Variants in PTPRT observed in about 807,000 individuals in gnomAD.
The protein encoded by PTPRT is receptor-type tyrosine-protein phosphatase T.
In PTPRT, 56 loss-of-function variants were observed where a neutral mutation model predicts 176.8. The observed-to-expected ratio is 0.32, with a 90% CI of 0.26 to 0.40. The LOEUF (loss-of-function observed/expected upper bound fraction) is 0.40, where lower values mean the gene tolerates loss of function less well. PTPRT is among the 10% of genes least tolerant of loss of function. PTPRT has a pLI of 1.00. For missense variants in PTPRT, 1,540 were observed against 1,908.2 expected (o/e 0.81, Z 3.60); for synonymous variants, 783 against 739.0 (o/e 1.06, Z -0.96).
intron 15 of PTPRT, among the ~76,000 whole-genome samples, chr20:42,218,806 CT>C (rs1268689689): frequency 6.6e-6 from 1 of 152,186 alleles, no homozygotes; most frequent in Non-Finnish European, 1.5e-5. Flanking sequence ...CCTGGCCCGG[CT>C]GTGTGGGACA....
chr20:42,525,739 T>C (rs2072256626), intron 7 of PTPRT, among the ~76,000 whole-genome samples: 1 of 152,220 alleles, frequency 6.6e-6, no homozygotes, highest in Non-Finnish European at 1.5e-5. Context: ...TGAAGAGTTG[T>C]GATTTTTATG....
chr20:42,569,464 C>T (rs1408555780), intron 7 of PTPRT, among the ~76,000 whole-genome samples: 1 of 152,008 alleles, frequency 6.6e-6, no homozygotes, highest in Non-Finnish European at 1.5e-5. Context: ...TTTGGGGAGC[C>T]ACAGAATCTC....
chr20:42,061,606 T>C, the PTPRT span, among the ~76,000 whole-genome samples: 2 of 152,230 alleles, frequency 1.3e-5, no homozygotes, highest in Non-Finnish European at 2.9e-5. Context: ...TTGCTTTGTC[T>C]TTGTAACAAC....
chr20:42,511,935 A>G (rs372986607), intron 7 of PTPRT, among the ~76,000 whole-genome samples: 33 of 152,244 alleles, frequency 2.2e-4, no homozygotes, highest in African/African-American at 7.7e-4. Context: ...AAGTTTGTAC[A>G]TCATGAATGA....
intron 16 of PTPRT, among the ~76,000 whole-genome samples, chr20:42,191,629 G>C (rs996935807): frequency 2.6e-5 from 4 of 152,226 alleles, no homozygotes; most frequent in African/African-American, 9.6e-5. Context: ...CACAGAGGTA[G>C]CTGCAGTCAA....
chr20:42,788,595 C>T (rs994602290), intron 3 of PTPRT, among the ~76,000 whole-genome samples: 1 of 152,134 alleles, frequency 6.6e-6, no homozygotes, highest in African/African-American at 2.4e-5. Flanking sequence ...GCGGGAGTCA[C>T]CTGTGCTGTT....
Position 42,110,242 on chromosome 20 carries a change from A to C in PTPRT, c.3254+91T>G, listed in dbSNP as rs541638305. The C allele has an allele frequency of 7.9e-5, 96 of 1,215,048 alleles. 3 individuals are homozygous for C. The South Asian group carries it at 1.6e-3, about 20-fold the overall frequency. The allele number at this position is 1,215,048 out of a possible 1,614,324, so 75.3% of individuals were successfully genotyped here. ...TTTGTATCTTTCTTTAGTAGAGACG[A>C]GGTTTCACCACGTTGGCCAGGCTGG... On this transcript the variant is annotated intron_variant, in intron 23 of 30. Transcript: ENST00000373187.
At chr20:42,665,537 A>T (rs1185588697) in intron 7 of PTPRT, among the ~76,000 whole-genome samples, 2 of 152,198 alleles carry the variant, frequency 1.3e-5, no homozygotes, top group African/African-American at 4.8e-5. Context: ...CAGTGTGGCG[A>T]TTCCTCAGGG....
intron 7 of PTPRT, among the ~76,000 whole-genome samples, chr20:42,591,285 C>A (rs1006694374): frequency 3.3e-5 from 5 of 151,980 alleles, no homozygotes; most frequent in South Asian, 2.1e-4. Flanking sequence ...AAGCCTTAAG[C>A]TAAGTCTAAA....
At chr20:42,277,667 T>G (rs887571060) in intron 13 of PTPRT, among the ~76,000 whole-genome samples, 2 of 152,028 alleles carry the variant, frequency 1.3e-5, no homozygotes. Flanking sequence ...GTGTCCAAAG[T>G]GTGAAGCAAG....
At chr20:42,518,229 G>A (rs1465041938) in intron 7 of PTPRT, among the ~76,000 whole-genome samples, 3 of 151,860 alleles carry the variant, frequency 2.0e-5, no homozygotes, top group African/African-American at 7.2e-5. Flanking sequence ...GTTTCCTAGT[G>A]TCCCTTTTCC....
intron 11 of PTPRT, among the ~76,000 whole-genome samples, chr20:42,344,086 G>A (rs907679345): frequency 3.3e-5 from 5 of 152,126 alleles, no homozygotes; most frequent in African/African-American, 1.2e-4. Context: ...TTTTCATAGA[G>A]ATGGGTTTAC....
In PTPRT at chr20:42,964,322, GA is replaced by G. The variant is rs201130246; in HGVS notation, c.89-78391del. ...TTGAAAGCATGGGTGGATTTAATAG[GA>G]AAATGTCAATAGAAAAAAAATGCAG... On this transcript the variant is annotated intron_variant, in intron 1 of 30. Coordinates refer to ENST00000373187, the MANE Select transcript of PTPRT (RefSeq NM_007050.6). Among the ~76,000 whole-genome samples, 1,164 of 151,970 alleles carry G rather than the reference GA, an allele frequency of 7.7e-3. 48 individuals carry two copies. The highest frequency in any genetic ancestry group is 0.07 in the Admixed American group (1,067 of 15,268).
chr20:42,496,325 C>CA (rs1290602496), intron 7 of PTPRT, among the ~76,000 whole-genome samples: 2 of 152,102 alleles, frequency 1.3e-5, no homozygotes, highest in African/African-American at 4.8e-5. Flanking sequence ...TTATTTCTCT[C>CA]AAAAATGTTT....
At chr20:42,567,596 T>C (rs1447207801) in intron 7 of PTPRT, among the ~76,000 whole-genome samples, 4 of 152,234 alleles carry the variant, frequency 2.6e-5, no homozygotes, top group Non-Finnish European at 5.9e-5. Context: ...AAGCCTTGTC[T>C]GCTTCACAGC....
chr20:42,272,817 A>G (rs77464035), intron 13 of PTPRT, among the ~76,000 whole-genome samples: 2 of 152,126 alleles, frequency 1.3e-5, no homozygotes, highest in Non-Finnish European at 2.9e-5. Context: ...ACACTGGCCT[A>G]CTAGCCATCA....
chr20:42,522,619 C>G (rs748523227), intron 7 of PTPRT, among the ~76,000 whole-genome samples: 1 of 152,060 alleles, frequency 6.6e-6, no homozygotes, highest in Non-Finnish European at 1.5e-5. Flanking sequence ...TGCCACCACA[C>G]CCAGCTAAGT....
chr20:42,988,583 T>C (rs1200849873), intron 1 of PTPRT, among the ~76,000 whole-genome samples: 2 of 152,050 alleles, frequency 1.3e-5, no homozygotes, highest in African/African-American at 4.8e-5. Flanking sequence ...GCCAATGAAA[T>C]TATATGCACC....
At chr20:42,631,815 T>C (rs1569035221) in intron 7 of PTPRT, among the ~76,000 whole-genome samples, 1 of 152,150 alleles carries the variant, frequency 6.6e-6, no homozygotes, top group Non-Finnish European at 1.5e-5. Context: ...CCCAGTGGAC[T>C]TGGGGTACTC....
Sources: allele counts gnomAD v4.1 joint callset (sites outside exome capture counted in the v4.1 genomes callset), GRCh38; gene constraint gnomAD v4.1.1; transcripts MANE v1.5; gene names NCBI Gene and HGNC (gene_info 2026-07-23, HGNC 2026-07-21).